RIMBP2: variants seen among roughly 807,000 people sequenced by gnomAD.
RIMBP2 encodes RIMS binding protein 2, also known as RIMS-binding protein 2.
Under a neutral mutation model 118.6 loss-of-function variants are expected in RIMBP2, and 48 were observed. That is an observed-to-expected ratio of 0.40 (90% CI 0.32 to 0.51). The LOEUF is 0.51. RIMBP2 is among the 20% of genes least tolerant of loss of function. The probability of loss-of-function intolerance (pLI) is 0.41; values close to 1 mark genes in which losing one functional copy is unlikely to be tolerated. For missense variants in RIMBP2, 1,551 were observed against 1,768.3 expected (o/e 0.88, Z 2.20); for synonymous variants, 762 against 742.9 (o/e 1.03, Z -0.42).
At chr12:130,495,387 G>T (rs1388754132) in intron 4 of RIMBP2, among the ~76,000 whole-genome samples, 1 of 152,198 alleles carries the variant, frequency 6.6e-6, no homozygotes, top group Non-Finnish European at 1.5e-5. Context: ...CCCCAGGGAT[G>T]TTGCTTGGTC....
intron 1 of RIMBP2, chr12:130,658,563 A>G (rs1262423919): frequency 6.6e-6 from 1 of 152,268 alleles, no homozygotes; most frequent in Non-Finnish European, 1.5e-5. Context: ...AAGGTCAAAA[A>G]GCTTGATCTT....
At chr12:130,550,400 T>C (rs1054753739) in intron 2 of RIMBP2, among the ~76,000 whole-genome samples, 1 of 152,224 alleles carries the variant, frequency 6.6e-6, no homozygotes, top group Admixed American at 6.5e-5. Flanking sequence ...GTAAAAATGA[T>C]CACACAGCAA....
intron 21 of RIMBP2, among the ~76,000 whole-genome samples, chr12:130,404,036 T>C (rs1251238174): frequency 6.6e-6 from 1 of 152,210 alleles, no homozygotes; most frequent in African/African-American, 2.4e-5. Context: ...TTTCCTTATC[T>C]CTGTTATTCA....
chr12:130,443,957 G>A (rs752385233), intron 10 of RIMBP2, among the ~76,000 whole-genome samples: 16 of 152,170 alleles, frequency 1.1e-4, no homozygotes, highest in African/African-American at 3.1e-4. Flanking sequence ...CCATTCTATA[G>A]CAGAGGAAGC....
chr12:130,422,334 AAC>A lies in RIMBP2; in HGVS notation c.3238+117_3238+118del, dbSNP rs372262110. The A allele has an allele frequency of 1.5e-3, 923 of 604,368 alleles. 6 individuals are homozygous for A. Among genetic ancestry groups the A allele is most frequent in the African/African-American group, 0.015 (827 of 54,542 alleles). 37.4% of individuals were successfully genotyped at this position (604,368 alleles called of 1,614,324 possible). On this transcript the variant is annotated intron_variant, in intron 17 of 22. Transcript: ENST00000690449. The surrounding 1 kb of genome is among the most constrained non-coding windows in gnomAD (Gnocchi z 5.2). ...TTCCTGCCTTCTTTTTGCCATGAAT[AAC>A]AGTGTTCTTTGCTTAGCGGAAAATG... is the stretch of plus-strand genomic sequence containing the variant.
rs556288420 is a variant in RIMBP2, at chr12:130,492,766, T to C, written c.-3-13750A>G. On this transcript the variant is annotated intron_variant, in intron 4 of 22. Coordinates refer to ENST00000690449, the MANE Select transcript of RIMBP2 (RefSeq NM_001393629.1). ...CTCTGAACCTCAGGTTCCACGTTTA[T>C]TGAATGGCAACAAAAAATACCGTCC... Among the ~76,000 whole-genome samples, 4 of 152,340 alleles carry C rather than the reference T, an allele frequency of 2.6e-5. No individual in the cohort carries two copies. The South Asian group carries it at 6.2e-4, about 24-fold the overall frequency.
chr12:130,502,810 GTGAA>G (rs929718424), intron 4 of RIMBP2, among the ~76,000 whole-genome samples: 2 of 152,256 alleles, frequency 1.3e-5, no homozygotes, highest in Middle Eastern at 3.4e-3. Flanking sequence ...ATCAATCCTT[GTGAA>G]TGAATGAACA....
At chr12:130,679,616 T>C (rs577366174) in intron 1 of RIMBP2, among the ~76,000 whole-genome samples, 3 of 152,318 alleles carry the variant, frequency 2.0e-5, no homozygotes, top group African/African-American at 7.2e-5. Context: ...GGTGAGAATC[T>C]AGCAGCTGAG....
intron 6 of RIMBP2, among the ~76,000 whole-genome samples, chr12:130,462,250 T>C (rs2080060328): frequency 1.3e-5 from 2 of 152,134 alleles, no homozygotes; most frequent in Admixed American, 1.3e-4. Context: ...AACTTAGAAT[T>C]TGTGACCCTC....
At chr12:130,472,399 G>C (rs1490690404) in intron 5 of RIMBP2, 1 of 152,238 alleles carries the variant, frequency 6.6e-6, no homozygotes, top group Non-Finnish European at 1.5e-5. Flanking sequence ...AGTCCACACT[G>C]TGCACCCCTC....
intron 11 of RIMBP2, among the ~76,000 whole-genome samples, chr12:130,440,927 C>T (rs1468568102): frequency 6.6e-6 from 1 of 152,062 alleles, no homozygotes; most frequent in African/African-American, 2.4e-5. Context: ...GCACTGGGAC[C>T]CTGGCGAGTC....
At chr12:130,712,210 C>T (rs1593058843) in intron 1 of RIMBP2, among the ~76,000 whole-genome samples, 1 of 152,182 alleles carries the variant, frequency 6.6e-6, no homozygotes, top group East Asian at 1.9e-4. Flanking sequence ...TAAATTTATA[C>T]AAAAATATTC....
chr12:130,457,575 G>C (rs112439351), intron 6 of RIMBP2, among the ~76,000 whole-genome samples: 1,835 of 152,306 alleles, frequency 0.012, 37 homozygotes, highest in African/African-American at 0.042. Flanking sequence ...GAAGGTGCAG[G>C]ACAGAGGGGT....
At chr12:130,656,142 C>T (rs1008050346) in intron 1 of RIMBP2, among the ~76,000 whole-genome samples, 4 of 152,120 alleles carry the variant, frequency 2.6e-5, no homozygotes, top group East Asian at 3.9e-4. Context: ...GTGTGGGCCC[C>T]GGGAGGGCCA....
intron 4 of RIMBP2, among the ~76,000 whole-genome samples, chr12:130,482,191 G>A (rs372176664): frequency 1.2e-4 from 19 of 152,212 alleles, no homozygotes; most frequent in Admixed American, 5.9e-4. Flanking sequence ...TCCTCAGGAC[G>A]GACAGTCTCT....
chr12:130,482,296 G>T (rs2082080965), intron 4 of RIMBP2, among the ~76,000 whole-genome samples: 1 of 152,188 alleles, frequency 6.6e-6, no homozygotes, highest in African/African-American at 2.4e-5. Context: ...CTGGATATTG[G>T]TTCATCGGAC....
chr12:130,407,690 T>C (rs377201545), intron 20 of RIMBP2, 36 bp downstream of exon 20: 108 of 1,511,758 alleles, frequency 7.1e-5, no homozygotes, highest in Middle Eastern at 1.7e-4. Context: ...AAGGGTGTGG[T>C]TGTGTCCGTC....
At chr12:130,520,088 G>T (rs1275755760) in intron 2 of RIMBP2, among the ~76,000 whole-genome samples, 1 of 152,164 alleles carries the variant, frequency 6.6e-6, no homozygotes, top group African/African-American at 2.4e-5. Flanking sequence ...TGCAAGAAAG[G>T]AGCACAGGGA....
intron 6 of RIMBP2, among the ~76,000 whole-genome samples, chr12:130,464,337 A>G (rs1566086039): frequency 1.3e-5 from 2 of 152,220 alleles, no homozygotes; most frequent in Non-Finnish European, 1.5e-5. Context: ...AAATTGTCCC[A>G]TGTGCTGTCT....
Sources: gnomAD v4.1 joint callset for allele counts (sites outside exome capture counted in the v4.1 genomes callset) on GRCh38, gnomAD v4.1.1 for gene constraint, Gnocchi (gnomAD v3.1) non-coding constraint, MANE v1.5 for transcripts, NCBI Gene and HGNC (gene_info 2026-07-23, HGNC 2026-07-21) for gene names.